The following NFATC1 variants were observed in gnomAD, a reference collection of about 807,000 sequenced individuals.
NFATC1 encodes nuclear factor of activated T cells 1.
In NFATC1, 22 loss-of-function variants were observed where a neutral mutation model predicts 76.0. The observed-to-expected ratio is 0.29, with a 90% CI of 0.21 to 0.41. The LOEUF is 0.41. Ranked by LOEUF, NFATC1 falls within the 10% of genes least tolerant of loss-of-function variation. The pLI is 1.00. For synonymous variants in NFATC1, 704 were observed against 613.1 expected, an observed-to-expected ratio of 1.15 and a Z score of -2.19; for missense variants, 1,357 against 1,337.7, an observed-to-expected ratio of 1.01 and a Z score of -0.23.
chr18:79,481,661 C>T lies in NFATC1; in HGVS notation c.2093-4587C>T, dbSNP rs191505086. Among the ~76,000 whole-genome samples, 8 of 152,344 alleles carry T rather than the reference C, an allele frequency of 5.3e-5. No homozygotes were observed. In the East Asian group the frequency reaches 1.4e-3, roughly 26 times the overall value. On this transcript the variant is annotated intron_variant, in intron 8 of 9. Coordinates refer to ENST00000427363, the MANE Select transcript of NFATC1 (RefSeq NM_001278669.2). ...TTCAGCCCGAACTAAGGAGAATGTG[C>T]GGGACTGAGAGCCATAGACCCTCGT...
rs571313182 is a variant in NFATC1, at chr18:79,410,794, G to A, written c.519G>A (p.Pro173=). 19 of 1,612,710 alleles carry A rather than the reference G, an allele frequency of 1.2e-5. No individual in the cohort carries two copies. Among genetic ancestry groups the A allele is most frequent in the South Asian group, 4.4e-5 (4 of 91,060 alleles). The change falls in exon 2 of 10, where the codon CCG becomes CCA. Residue 173 remains proline, a synonymous_variant. Coordinates refer to ENST00000427363, the MANE Select transcript of NFATC1 (RefSeq NM_001278669.2). This position sits in a 1 kb window ranked among gnomAD's most constrained non-coding sequence, Gnocchi z 6.7. The stretch of plus-strand genomic sequence containing the variant: ...ACAGAGACCCCTCGTGCCTGAGCCC[G>A]GCCAGCAGCCTGTCCTCCCGGAGCT... The part of the protein sequence containing the change: ...EAYRDPSCLS[P]ASSLSSRSCN...
chr18:79,484,803 C>G (rs1354195586), intron 8 of NFATC1, among the ~76,000 whole-genome samples: 1 of 152,166 alleles, frequency 6.6e-6, no homozygotes, highest in Non-Finnish European at 1.5e-5. Context: ...GGCTTGGCCA[C>G]CATGGATGAC....
chr18:79,450,945 T>C lies in NFATC1; in HGVS notation c.1590-9T>C, dbSNP rs554445370. 6.2e-7 allele frequency: 1 copy of C among 1,609,534 alleles called. No individual in the cohort carries two copies. Among genetic ancestry groups the C allele is most frequent in the East Asian group, 2.2e-5 (1 of 44,734 alleles). On this transcript the variant is annotated splice_polypyrimidine_tract_variant and intron_variant, in intron 4 of 9. Transcript: ENST00000427363. ...TGAAAGAAAAGCTGTGGGCTTTTGT[T>C]TTGGGCAGCATTGACTGTGCCGGAA...
intron 9 of NFATC1, among the ~76,000 whole-genome samples, chr18:79,491,059 C>T (rs1017359115): frequency 2.2e-4 from 33 of 151,668 alleles, no homozygotes; most frequent in Non-Finnish European, 2.1e-4. Context: ...CAACAAGCTC[C>T]ATGGAAATGC....
intron 3 of NFATC1, among the ~76,000 whole-genome samples, chr18:79,445,618 G>C (rs1447394724): frequency 6.6e-6 from 1 of 152,238 alleles, no homozygotes; most frequent in South Asian, 2.1e-4. Flanking sequence ...AAACCGGTTT[G>C]TGAGCCGGAT....
chr18:79,472,863 G>T (rs768113317), intron 8 of NFATC1, among the ~76,000 whole-genome samples: 2 of 152,346 alleles, frequency 1.3e-5, no homozygotes, highest in South Asian at 2.1e-4. Context: ...CCATGTGTCG[G>T]CTGTGGGCAC....
chr18:79,440,879 G>T (rs1187595472), intron 3 of NFATC1, among the ~76,000 whole-genome samples: 2 of 152,220 alleles, frequency 1.3e-5, no homozygotes, highest in Non-Finnish European at 1.5e-5. Flanking sequence ...TGACGTTGGT[G>T]GCTGTTCCTT....
In NFATC1 at chr18:79,396,143, G is replaced by A; in HGVS notation, c.-82G>A. On this transcript the variant is annotated 5_prime_UTR_variant, in exon 1 of 10. Coordinates refer to ENST00000427363, the MANE Select transcript of NFATC1 (RefSeq NM_001278669.2). ...AGCCCGGGGCGAGGGCTGTCTTCCC[G>A]GAGACCCGACCCCGGCAGCGCGGGG... 3 of 1,312,850 alleles carry A rather than the reference G, an allele frequency of 2.3e-6. No individual in the cohort carries two copies. Among genetic ancestry groups the A allele is most frequent in the South Asian group, 1.7e-5 (1 of 60,314 alleles). The allele number at this position is 1,312,850 out of a possible 1,614,324, so 81.3% of individuals were successfully genotyped here. A position where few individuals can be genotyped will look rare whatever the true frequency, so the allele number is the denominator to read the frequency against.
intron 9 of NFATC1, among the ~76,000 whole-genome samples, chr18:79,508,951 ATG>A (rs2090181975): frequency 7.2e-6 from 1 of 139,164 alleles, no homozygotes; most frequent in Admixed American, 7.2e-5. Flanking sequence ...GTTCACTGTG[ATG>A]TCTGGTTCTT....
chr18:79,506,998 A>G (rs902340911), intron 9 of NFATC1, among the ~76,000 whole-genome samples: 3 of 152,220 alleles, frequency 2.0e-5, no homozygotes, highest in Non-Finnish European at 2.9e-5. Context: ...AAAGCCTGAT[A>G]CTGGGACAAT....
intron 4 of NFATC1, among the ~76,000 whole-genome samples, chr18:79,449,772 G>A (rs917951405): frequency 6.6e-5 from 10 of 152,218 alleles, no homozygotes; most frequent in African/African-American, 1.2e-4. Flanking sequence ...GTGGAGCCCC[G>A]GGGGTGGGTG....
chr18:79,461,158 C>T (rs1344839161), intron 6 of NFATC1, among the ~76,000 whole-genome samples, 153 bp from the exon 7 acceptor site: 2 of 152,238 alleles, frequency 1.3e-5, no homozygotes, highest in African/African-American at 4.8e-5. Context: ...TGAGGTGCTG[C>T]CCTCGACAAA....
chr18:79,411,544 C>T (rs1258963339), intron 2 of NFATC1, 43 bp downstream of exon 2: 6 of 1,313,066 alleles, frequency 4.6e-6, no homozygotes, highest in South Asian at 2.1e-5. Context: ...CGAGGGGAGG[C>T]GCGGGGCGGG....
chr18:79,520,524 CTG>C (rs746864842), intron 9 of NFATC1, among the ~76,000 whole-genome samples: 1 of 134,924 alleles, frequency 7.4e-6, no homozygotes, highest in Non-Finnish European at 1.7e-5. Context: ...GCAGAAGACT[CTG>C]TGTGTGGGGG....
chr18:79,410,945 G>T lies in NFATC1; in HGVS notation c.670G>T (p.Gly224Trp). The T allele has an allele frequency of 3.7e-6, 6 of 1,602,424 alleles. No homozygotes were observed. The highest frequency in any genetic ancestry group is 2.2e-5 in the South Asian group (2 of 89,720). ...GGACCCCGAGGAGGGCTTTCCCCGCGGGCTGGGGGCCTGCACACTGCTGGG... is the reference window on the plus strand; with the variant it reads ...GGACCCCGAGGAGGGCTTTCCCCGCTGGCTGGGGGCCTGCACACTGCTGGG... ...TTDPEEGFPR[G>W]LGACTLLGSP... is the part of the protein sequence containing the mutation. Residue 224 changes from glycine to tryptophan, a missense_variant, in exon 2 of 10, where the codon GGG becomes TGG. Physicochemically the swap from Gly to Trp is radical, Grantham distance 184. Transcript: ENST00000427363. This position sits in a 1 kb window ranked among gnomAD's most constrained non-coding sequence, Gnocchi z 6.7.
At chr18:79,466,049 A>G (rs1303836182) in intron 7 of NFATC1, among the ~76,000 whole-genome samples, 1 of 152,166 alleles carries the variant, frequency 6.6e-6, no homozygotes, top group African/African-American at 2.4e-5. Context: ...TGCCAGGAGA[A>G]AGTGTGGCCC....
chr18:79,450,747 C>T (rs1568977300), intron 4 of NFATC1, among the ~76,000 whole-genome samples: 2 of 152,148 alleles, frequency 1.3e-5, no homozygotes, highest in East Asian at 1.9e-4. Flanking sequence ...CCCTCGCCTG[C>T]GCCAATGTCA....
At chr18:79,500,472 C>G (rs2089988969) in intron 9 of NFATC1, among the ~76,000 whole-genome samples, 1 of 151,570 alleles carries the variant, frequency 6.6e-6, no homozygotes, top group African/African-American at 2.4e-5. Flanking sequence ...TAAGCTTTTT[C>G]CTTAAAAATG....
At chr18:79,495,190 G>T (rs982964461) in intron 9 of NFATC1, among the ~76,000 whole-genome samples, 2 of 152,262 alleles carry the variant, frequency 1.3e-5, no homozygotes, top group African/African-American at 4.8e-5. Flanking sequence ...TGGCGTGCAG[G>T]CTGTGAGGCC....
Sources: gnomAD v4.1 joint callset for allele counts (sites outside exome capture counted in the v4.1 genomes callset) on GRCh38, gnomAD v4.1.1 for gene constraint, Gnocchi (gnomAD v3.1) non-coding constraint, MANE v1.5 for transcripts, NCBI Gene and HGNC (gene_info 2026-07-23, HGNC 2026-07-21) for gene names.